The following CCDC191 variants were observed in gnomAD, a reference collection of about 807,000 sequenced individuals.
The protein encoded by CCDC191 is coiled-coil domain containing 191.
Under a neutral mutation model 114.0 loss-of-function variants are expected in CCDC191, and 99 were observed. That is an observed-to-expected ratio of 0.87 (90% CI 0.74 to 1.03). The LOEUF is 1.03. CCDC191 is among the 50% of genes least tolerant of loss of function. The pLI is 0.00. For synonymous variants in CCDC191, 351 were observed against 376.0 expected (o/e 0.93, Z 0.77); for missense variants, 973 against 1,087.0 (o/e 0.90, Z 1.47).
At chr3:113,993,880 C>G (rs2075646351) in intron 13 of CCDC191, among the ~76,000 whole-genome samples, 1 of 151,028 alleles carries the variant, frequency 6.6e-6, no homozygotes, top group South Asian at 2.1e-4. Flanking sequence ...GAGACCCTGT[C>G]TCAGAGAAAA....
intron 8 of CCDC191, among the ~76,000 whole-genome samples, chr3:114,012,872 A>C (rs1359341360): frequency 6.6e-6 from 1 of 152,188 alleles, no homozygotes; most frequent in Non-Finnish European, 1.5e-5. Context: ...CTATAACAAG[A>C]CTAAAAAAGT....
At position 114,052,407 on chromosome 3, in the gene CCDC191, G is replaced by A. The variant is rs2076709189; in HGVS notation, c.129+1190C>T. On this transcript the variant is annotated intron_variant, in intron 2 of 16. Coordinates refer to ENST00000295878, the MANE Select transcript of CCDC191 (RefSeq NM_020817.2). ...GTGTGACTAAGCCCTGCAGGGACTT[G>A]GCACTGGGACTCTCAACACTCACAT... Among the ~76,000 whole-genome samples the A allele has an allele frequency of 2.6e-5, 4 of 152,134 alleles. No individual in the cohort carries two copies. In the South Asian group the frequency reaches 8.3e-4, roughly 32 times the overall value.
chr3:114,050,618 G>A (rs907026522), intron 2 of CCDC191, among the ~76,000 whole-genome samples: 2 of 152,194 alleles, frequency 1.3e-5, no homozygotes, highest in African/African-American at 4.8e-5. Context: ...GGATCAACGT[G>A]AGTCAAAGCA....
At chr3:114,014,352 G>A (rs2076123225) in intron 8 of CCDC191, among the ~76,000 whole-genome samples, 1 of 152,206 alleles carries the variant, frequency 6.6e-6, no homozygotes, top group Non-Finnish European at 1.5e-5. Flanking sequence ...GAGATCAGGA[G>A]TTTACCAGGT....
rs2075873607 is a variant in CCDC191, at chr3:114,002,496, A to G, written c.2021T>C (p.Ile674Thr). The G allele has an allele frequency of 6.2e-7, 1 of 1,611,822 alleles. No individual in the cohort carries two copies. The highest frequency in any genetic ancestry group is 8.5e-7 in the Non-Finnish European group (1 of 1,179,192). Residue 674 changes from isoleucine (I) to threonine (T), a missense_variant, in exon 12 of 17, where the codon ATC becomes ACC. Coordinates refer to ENST00000295878, the MANE Select transcript of CCDC191 (RefSeq NM_020817.2). The part of the protein sequence containing the change: ...RAIQRAECRR[I>T]LAEKKKKQEE... ...TTGTTTTTTCTTCTTCTCTGCCAAG[A>G]TCCGCCTACATTCAGCTCGTTGAAT... is the stretch of plus-strand genomic sequence containing the variant.
chr3:114,015,242 G>A (rs2076140050), intron 8 of CCDC191, among the ~76,000 whole-genome samples: 1 of 152,106 alleles, frequency 6.6e-6, no homozygotes, highest in African/African-American at 2.4e-5. Context: ...AAGGGAAGAG[G>A]TAAAAGCATG....
At position 114,004,776 on chromosome 3, in the gene CCDC191, G is replaced by T. The variant is rs1410673230; in HGVS notation, c.1869-30C>A. On this transcript the variant is annotated intron_variant, in intron 10 of 16. Coordinates refer to ENST00000295878, the MANE Select transcript of CCDC191 (RefSeq NM_020817.2). ...GGAAAAAATAAAGGAAAGGAATTTAGACTACTAACCAGTTTCCTTCAAACT... is the reference window on the plus strand; with the variant it reads ...GGAAAAAATAAAGGAAAGGAATTTATACTACTAACCAGTTTCCTTCAAACT... The T allele has an allele frequency of 4.4e-6, 7 of 1,599,006 alleles. No individual in the cohort carries two copies. In the Admixed American group the frequency reaches 8.5e-5, roughly 20 times the overall value.
intron 2 of CCDC191, among the ~76,000 whole-genome samples, chr3:114,048,331 T>A (rs537019782): frequency 6.6e-6 from 1 of 152,316 alleles, no homozygotes; most frequent in Admixed American, 6.5e-5. Flanking sequence ...AGCCACATAA[T>A]GTGTGTCACA....
intron 16 of CCDC191, 111 bp downstream of exon 16, chr3:113,978,075 C>T: frequency 8.1e-7 from 1 of 1,236,054 alleles, no homozygotes; most frequent in Non-Finnish European, 1.1e-6. Context: ...CTGGTGTTTC[C>T]CCGCTCTCCT....
At chr3:114,035,383 T>C (rs1462951570) in intron 5 of CCDC191, among the ~76,000 whole-genome samples, 1 of 152,174 alleles carries the variant, frequency 6.6e-6, no homozygotes, top group Non-Finnish European at 1.5e-5. Flanking sequence ...ATGATCCACA[T>C]CACAGAAAAG....
chr3:113,965,051 G>A lies in CCDC191; in HGVS notation c.*104C>T, dbSNP rs972329988. ...ATTCCTTTGATCTAAGAAGTAGCTC[G>A]TAGAGAATAAACCAGGTGTATGTAT... On this transcript the variant is annotated 3_prime_UTR_variant, in exon 17 of 17. Coordinates refer to ENST00000295878, the MANE Select transcript of CCDC191 (RefSeq NM_020817.2). 3.7e-5 allele frequency: 22 copies of A among 591,610 alleles called. No individual in the cohort carries two copies. The Admixed American group carries it at 3.8e-4, about 10-fold the overall frequency. 36.6% of individuals were successfully genotyped at this position (591,610 alleles called of 1,614,324 possible).
intron 5 of CCDC191, 44 bp downstream of exon 5, chr3:114,036,563 AG>A (rs1403936542): frequency 2.1e-6 from 3 of 1,402,010 alleles, no homozygotes; most frequent in Middle Eastern, 3.7e-4. Flanking sequence ...TGTTACACAA[AG>A]ACTGCTTCCT....
At chr3:114,004,404 T>G (rs529770081) in intron 11 of CCDC191, 42 of 1,083,842 alleles carry the variant, frequency 3.9e-5, no homozygotes, top group East Asian at 1.9e-4. Flanking sequence ...CTATGTTTTT[T>G]TGTGTGTGTG....
At chr3:113,992,733 A>T (rs1014038781) in intron 13 of CCDC191, among the ~76,000 whole-genome samples, 1 of 152,204 alleles carries the variant, frequency 6.6e-6, no homozygotes, top group Non-Finnish European at 1.5e-5. Context: ...ATAATAAAAA[A>T]AAAGAATTAA....
intron 13 of CCDC191, among the ~76,000 whole-genome samples, chr3:113,991,612 C>T (rs567758824): frequency 6.6e-6 from 1 of 152,258 alleles, no homozygotes; most frequent in East Asian, 1.9e-4. Context: ...TGAAACAAGG[C>T]AAGGATGTCT....
rs528142914 is a variant in CCDC191 at position 113,969,111 on chromosome 3, T to G, written c.2607-3752A>C. Among the ~76,000 whole-genome samples the G allele has an allele frequency of 5.9e-5, 9 of 152,048 alleles. No individual in the cohort carries two copies. In the South Asian group the frequency reaches 1.7e-3, roughly 28 times the overall value. On this transcript the variant is annotated intron_variant, in intron 16 of 16. Transcript: ENST00000295878. The stretch of plus-strand genomic sequence containing the variant: ...ACCAGCTCTTCCGTAACTAATAGAG[T>G]GAGAATGCACTCATTTACAGAGGAT...
In CCDC191 at chr3:114,004,644, T is replaced by C. The variant is rs747294756; in HGVS notation, c.1971A>G (p.Ile657Met). The C allele has an allele frequency of 1.4e-5, 23 of 1,610,796 alleles. No individual in the cohort carries two copies. The South Asian group carries it at 2.3e-4, about 16-fold the overall frequency. The change falls in exon 11 of 17, where the codon ATA (isoleucine) becomes ATG (methionine). Residue 657 changes from isoleucine (I) to methionine (M), a missense_variant. Coordinates refer to ENST00000295878, the MANE Select transcript of CCDC191 (RefSeq NM_020817.2). ...CCACCGAGACAGCCCTGCCTTTTAG[T>C]ATGGGATGCGGTGTCATCAATTGCT... ...KPKQLMTPHP[I>M]LKAMEERAIQ... is the part of the protein sequence containing the mutation.
chr3:114,028,060 C>T (rs564912985), intron 7 of CCDC191, among the ~76,000 whole-genome samples: 1 of 151,948 alleles, frequency 6.6e-6, no homozygotes, highest in Non-Finnish European at 1.5e-5. Context: ...ACCCCATATA[C>T]GCTGGGGAAA....
chr3:114,008,929 G>A (rs1455792489), intron 9 of CCDC191, among the ~76,000 whole-genome samples: 2 of 152,018 alleles, frequency 1.3e-5, no homozygotes, highest in African/African-American at 4.8e-5. Context: ...AACCAGGATG[G>A]TATAGTCTAC....
Sources: allele counts gnomAD v4.1 joint callset (sites outside exome capture counted in the v4.1 genomes callset), GRCh38; gene constraint gnomAD v4.1.1; transcripts MANE v1.5; gene names NCBI Gene and HGNC (gene_info 2026-07-23, HGNC 2026-07-21).